Variants in TMEM217 observed in about 807,000 individuals in gnomAD.
TMEM217 encodes chromosome 6 open reading frame 128.
For synonymous variants in TMEM217, 76 were observed against 88.3 expected (o/e 0.86, Z 0.78); for missense variants, 204 against 248.8 (o/e 0.82, Z 1.21).
At chr6:37,217,987 A>G (rs1763307153) in exon 2 of TMEM217, 1 of 989,564 alleles carries the variant, frequency 1.0e-6, no homozygotes. Context: ...TTGTGATTAT[A>G]ATCACATTTT....
At chr6:37,224,103 A>AT (rs1259121276) in intron 1 of TMEM217, among the ~76,000 whole-genome samples, 3 of 150,254 alleles carry the variant, frequency 2.0e-5, no homozygotes, top group Admixed American at 1.3e-4. Flanking sequence ...TGCCTGGCTC[A>AT]TTTTTTTGTA....
At chr6:37,213,494 T>TGG (rs1389129881), downstream of TMEM217, among the ~76,000 whole-genome samples, 1 of 152,236 alleles carries the variant, frequency 6.6e-6, no homozygotes, top group Non-Finnish European at 1.5e-5. Flanking sequence ...TCCCTGGGCA[T>TGG]GGCCCAGCCT....
chr6:37,246,068 C>T (rs1668203041), intron 1 of TMEM217, among the ~76,000 whole-genome samples: 1 of 152,098 alleles, frequency 6.6e-6, no homozygotes, highest in South Asian at 2.1e-4. Context: ...TCCCAAAGTG[C>T]TGGGATTACA....
At chr6:37,229,588 C>T (rs1443200331) in intron 1 of TMEM217, among the ~76,000 whole-genome samples, 4 of 151,928 alleles carry the variant, frequency 2.6e-5, no homozygotes, top group African/African-American at 7.3e-5. Flanking sequence ...GTGATCCACC[C>T]GCCTCCGCCT....
intron 1 of TMEM217, among the ~76,000 whole-genome samples, chr6:37,233,768 A>G (rs1764337019): frequency 1.3e-5 from 2 of 152,182 alleles, no homozygotes; most frequent in African/African-American, 4.8e-5. Context: ...TTAAGTCGCT[A>G]ACTAACGAAG....
intron 1 of TMEM217, among the ~76,000 whole-genome samples, chr6:37,234,376 A>G (rs772475782): frequency 6.6e-5 from 10 of 152,244 alleles, no homozygotes; most frequent in Non-Finnish European, 1.0e-4. Context: ...CTGAAACTAC[A>G]GGCGTGAGCC....
intron 1 of TMEM217, among the ~76,000 whole-genome samples, chr6:37,226,510 G>T (rs1415927047): frequency 6.6e-6 from 1 of 151,186 alleles, no homozygotes; most frequent in South Asian, 2.1e-4. Flanking sequence ...TGTTAGCCAG[G>T]ATGGTCTCGA....
exon 1 of TMEM217, chr6:37,257,901 T>G: frequency 6.2e-7 from 1 of 1,612,996 alleles, no homozygotes; most frequent in South Asian, 1.1e-5. Context: ...CTACAAGGAC[T>G]TCCCCCGGCC....
At chr6:37,221,438 C>G (rs557686833) in intron 1 of TMEM217, among the ~76,000 whole-genome samples, 22 of 152,222 alleles carry the variant, frequency 1.4e-4, no homozygotes, top group Admixed American at 6.5e-4. Context: ...CCTCCCACCT[C>G]GGCCTCCCAA....
At chr6:37,236,389 G>A (rs1764503180) in intron 1 of TMEM217, among the ~76,000 whole-genome samples, 1 of 152,160 alleles carries the variant, frequency 6.6e-6, no homozygotes, top group African/African-American at 2.4e-5. Context: ...GTTATTTTTA[G>A]AGTATGAGCA....
downstream of TMEM217, chr6:37,213,120 G>T: frequency 1.4e-6 from 1 of 693,884 alleles, no homozygotes; most frequent in Non-Finnish European, 2.4e-6. Context: ...CAGGCAATAG[G>T]CTGGAAGTTA....
At chr6:37,239,200 A>T (rs1249853682) in intron 1 of TMEM217, among the ~76,000 whole-genome samples, 1 of 152,200 alleles carries the variant, frequency 6.6e-6, no homozygotes, top group Non-Finnish European at 1.5e-5. Context: ...ATAAAAATTC[A>T]GTCATGGGCT....
chr6:37,241,976 T>C (rs1257801686), intron 1 of TMEM217, among the ~76,000 whole-genome samples: 2 of 151,940 alleles, frequency 1.3e-5, no homozygotes, highest in Non-Finnish European at 2.9e-5. Context: ...TTGGCCTGCT[T>C]CCTCAGGGAG....
At chr6:37,214,290 C>T (rs555623742), downstream of TMEM217, among the ~76,000 whole-genome samples, 50 of 152,240 alleles carry the variant, frequency 3.3e-4, no homozygotes, top group Middle Eastern at 6.8e-3. Flanking sequence ...TGCAGTGGTA[C>T]GATCTTGGAT....
intron 1 of TMEM217, among the ~76,000 whole-genome samples, chr6:37,247,467 A>G (rs1487574585): frequency 6.6e-6 from 1 of 151,108 alleles, no homozygotes; most frequent in Non-Finnish European, 1.5e-5. Flanking sequence ...AGCTCACTGC[A>G]ACCTCTGCCT....
intron 1 of TMEM217, among the ~76,000 whole-genome samples, chr6:37,243,236 C>T (rs909462099): frequency 6.6e-6 from 1 of 152,244 alleles, no homozygotes; most frequent in Non-Finnish European, 1.5e-5. Context: ...TTTGCCCCTT[C>T]TTCCACTCTG....
At chr6:37,226,559 A>C (rs1376116772) in intron 1 of TMEM217, among the ~76,000 whole-genome samples, 1 of 151,192 alleles carries the variant, frequency 6.6e-6, no homozygotes, top group African/African-American at 2.4e-5. Flanking sequence ...GGCCACCCAA[A>C]GTGCTGGGAT....
intron 1 of TMEM217, among the ~76,000 whole-genome samples, chr6:37,229,346 T>TTTG (rs1562010320): frequency 7.8e-6 from 1 of 128,202 alleles, no homozygotes; most frequent in East Asian, 2.2e-4. Context: ...TTTTTTTTTT[T>TTTG]TTTTTTTTTT....
intron 1 of TMEM217, among the ~76,000 whole-genome samples, chr6:37,223,740 C>T (rs1763663764): frequency 6.6e-6 from 1 of 152,136 alleles, no homozygotes; most frequent in Admixed American, 6.5e-5. Flanking sequence ...AACTCCTGAC[C>T]TCAGGTGATC....
Sources: gnomAD v4.1 joint callset for allele counts (sites outside exome capture counted in the v4.1 genomes callset) on GRCh38, gnomAD v4.1.1 for gene constraint, MANE v1.5 for transcripts, NCBI Gene and HGNC (gene_info 2026-07-23, HGNC 2026-07-21) for gene names.